WASF3: variants seen among roughly 807,000 people sequenced by gnomAD.
WASF3 encodes WASP family member 3, also known as actin-binding protein WASF3.
In WASF3, 11 loss-of-function variants were observed where a neutral mutation model predicts 46.6. The observed-to-expected ratio is 0.24, with a 90% confidence interval of 0.15 to 0.39. The LOEUF is 0.39. Ranked by LOEUF, WASF3 falls within the 10% of genes least tolerant of loss-of-function variation. The pLI is 1.00. For missense variants in WASF3, 576 were observed against 669.8 expected (o/e 0.86, Z 1.55); for synonymous variants, 242 against 259.7 (o/e 0.93, Z 0.65).
intron 1 of WASF3, among the ~76,000 whole-genome samples, chr13:26,559,904 G>A (rs371485632): frequency 7.8e-6 from 1 of 127,686 alleles, no homozygotes; most frequent in African/African-American, 3.0e-5. Flanking sequence ...TGCAACCTCC[G>A]CCTCCTGGGT....
chr13:26,626,741 G>A (rs1400662795), intron 2 of WASF3, among the ~76,000 whole-genome samples: 1 of 152,074 alleles, frequency 6.6e-6, no homozygotes, highest in African/African-American at 2.4e-5. Context: ...AGTAGACTTT[G>A]GAACAAAGAT....
chr13:26,567,705 AAAATAT>A (rs1879509572), intron 1 of WASF3, among the ~76,000 whole-genome samples: 1 of 148,754 alleles, frequency 6.7e-6, no homozygotes, highest in Non-Finnish European at 1.5e-5. Context: ...CATTAAAAAA[AAAATAT>A]ATATATATAT....
At chr13:26,674,575 T>C (rs1336054385) in intron 6 of WASF3, among the ~76,000 whole-genome samples, 1 of 152,268 alleles carries the variant, frequency 6.6e-6, no homozygotes, top group Non-Finnish European at 1.5e-5. Context: ...GAAGTATTTG[T>C]GTATACATAG....
intron 1 of WASF3, among the ~76,000 whole-genome samples, chr13:26,602,580 T>G (rs149291077): frequency 1.1e-4 from 16 of 152,328 alleles, no homozygotes; most frequent in African/African-American, 2.9e-4. Context: ...TTTGAACACA[T>G]AGGATCCCCT....
chr13:26,620,668 T>G (rs1881278593), intron 2 of WASF3: 1 of 152,162 alleles, frequency 6.6e-6, no homozygotes, highest in Non-Finnish European at 1.5e-5. Context: ...TGTTCTTCAC[T>G]TTTACTCCGA....
chr13:26,577,438 C>G, intron 1 of WASF3: 2 of 806,348 alleles, frequency 2.5e-6, no homozygotes, highest in Non-Finnish European at 4.4e-6. Context: ...AAGAAGTGGT[C>G]AATAAATTGA....
At chr13:26,675,558 A>G (rs1883043192) in intron 6 of WASF3, among the ~76,000 whole-genome samples, 1 of 151,872 alleles carries the variant, frequency 6.6e-6, no homozygotes, top group South Asian at 2.1e-4. Context: ...ATTTGTGAAA[A>G]TAAATACATT....
At chr13:26,542,659 C>T in the WASF3 span, among the ~76,000 whole-genome samples, 1 of 152,308 alleles carries the variant, frequency 6.6e-6, no homozygotes, top group Non-Finnish European at 1.5e-5. Context: ...AGCACCTATT[C>T]ACACAAAGCT....
At chr13:26,678,001 C>T (rs1883116140) in intron 7 of WASF3, among the ~76,000 whole-genome samples, 1 of 152,152 alleles carries the variant, frequency 6.6e-6, no homozygotes, top group Non-Finnish European at 1.5e-5. Context: ...CTCCTTCTAG[C>T]ATCTGAGATT....
intron 2 of WASF3, among the ~76,000 whole-genome samples, chr13:26,618,053 A>G (rs1881189348): frequency 6.6e-6 from 1 of 152,168 alleles, no homozygotes; most frequent in African/African-American, 2.4e-5. Context: ...TAAATTACCC[A>G]GTCTTGGGAG....
chr13:26,568,928 G>A (rs1444354080), intron 1 of WASF3, among the ~76,000 whole-genome samples: 2 of 152,178 alleles, frequency 1.3e-5, no homozygotes, highest in Non-Finnish European at 2.9e-5. Flanking sequence ...CTGCTGTCTG[G>A]AGTTATTGGA....
At chr13:26,596,826 C>T (rs1200223393) in intron 1 of WASF3, among the ~76,000 whole-genome samples, 2 of 152,168 alleles carry the variant, frequency 1.3e-5, no homozygotes, top group East Asian at 1.9e-4. Flanking sequence ...CCATTTTTCT[C>T]TCTCTGCAGC....
the WASF3 span, among the ~76,000 whole-genome samples, chr13:26,543,511 G>C: frequency 6.6e-6 from 1 of 152,112 alleles, no homozygotes; most frequent in Non-Finnish European, 1.5e-5. Context: ...GAGAGTAATA[G>C]ATCAATGTTC....
chr13:26,600,184 G>C (rs187091478), intron 1 of WASF3, among the ~76,000 whole-genome samples: 1 of 152,182 alleles, frequency 6.6e-6, no homozygotes, highest in Non-Finnish European at 1.5e-5. Flanking sequence ...GATGGATACA[G>C]GATGGCTTTA....
At chr13:26,646,966 G>T (rs536848048) in intron 3 of WASF3, among the ~76,000 whole-genome samples, 2 of 152,292 alleles carry the variant, frequency 1.3e-5, no homozygotes, top group African/African-American at 4.8e-5. Flanking sequence ...GATAGCAAAT[G>T]GAATTCTGAA....
intron 3 of WASF3, among the ~76,000 whole-genome samples, chr13:26,654,549 AC>A (rs1184178116): frequency 6.6e-6 from 1 of 152,264 alleles, no homozygotes; most frequent in Admixed American, 6.5e-5. Flanking sequence ...AGCAACAAGG[AC>A]AAGGCCTGAT....
the WASF3 span, among the ~76,000 whole-genome samples, chr13:26,541,535 G>A: frequency 5.9e-5 from 9 of 151,658 alleles, no homozygotes; most frequent in African/African-American, 2.2e-4. Context: ...AGCAGTGTTA[G>A]TTATTATAGG....
intron 2 of WASF3, among the ~76,000 whole-genome samples, chr13:26,635,612 C>T (rs1426639949): frequency 6.6e-6 from 1 of 152,188 alleles, no homozygotes; most frequent in Non-Finnish European, 1.5e-5. Context: ...TGCTTTCTCC[C>T]CATCTTTGTG....
chr13:26,544,798 G>T, the WASF3 span, among the ~76,000 whole-genome samples: 1 of 152,200 alleles, frequency 6.6e-6, no homozygotes, highest in East Asian at 1.9e-4. Context: ...AAGCTGTCAA[G>T]GTGAAGACCA....
Sources: gnomAD v4.1 joint callset for allele counts (sites outside exome capture counted in the v4.1 genomes callset) on GRCh38, gnomAD v4.1.1 for gene constraint, MANE v1.5 for transcripts, NCBI Gene and HGNC (gene_info 2026-07-23, HGNC 2026-07-21) for gene names.